The following COL21A1 variants were observed in gnomAD, a reference collection of about 807,000 sequenced individuals.
COL21A1 encodes collagen alpha-1(XXI) chain.
In COL21A1, 149 loss-of-function variants were observed where a neutral mutation model predicts 137.9. The ratio of observed to expected loss-of-function variants is 1.08; its 90% CI spans 0.95 to 1.24. The LOEUF is 1.24. Among genes scored for constraint, COL21A1 ranks in the 50% most tolerant of loss-of-function variants. The pLI is 0.00. For missense variants in COL21A1, 1,167 were observed against 1,158.4 expected (o/e 1.01, Z -0.11); for synonymous variants, 456 against 391.5 (o/e 1.16, Z -1.95).
chr6:56,268,124 G>A (rs921163715), intron 1 of COL21A1, among the ~76,000 whole-genome samples: 5 of 152,190 alleles, frequency 3.3e-5, no homozygotes, highest in African/African-American at 1.2e-4. Context: ...GATGTGTGGT[G>A]AGAACTAAAG....
chr6:56,353,242 T>A (rs1765753643), intron 1 of COL21A1, among the ~76,000 whole-genome samples: 1 of 152,180 alleles, frequency 6.6e-6, no homozygotes, highest in South Asian at 2.1e-4. Context: ...TGAAGCTAGA[T>A]AAGAAGAGGC....
chr6:56,252,961 G>A (rs1446945543), intron 1 of COL21A1, among the ~76,000 whole-genome samples: 3 of 152,108 alleles, frequency 2.0e-5, no homozygotes, highest in Non-Finnish European at 4.4e-5. Context: ...CCAGTTTGAT[G>A]GATAAATCGA....
intron 1 of COL21A1, among the ~76,000 whole-genome samples, chr6:56,204,476 C>T (rs965522261): frequency 6.6e-6 from 1 of 152,132 alleles, no homozygotes; most frequent in African/African-American, 2.4e-5. Flanking sequence ...GGCAGCAACC[C>T]CAGCCAGGGT....
At chr6:56,334,026 C>CGT in intron 1 of COL21A1, among the ~76,000 whole-genome samples, 1 of 29,176 alleles carries the variant, frequency 3.4e-5, no homozygotes, top group African/African-American at 1.2e-4. Context: ...GTATGCTTTG[C>CGT]ATATGACAGT....
At chr6:56,211,251 A>ACATATATATGTAT (rs1353781229) in intron 1 of COL21A1, among the ~76,000 whole-genome samples, 1 of 143,236 alleles carries the variant, frequency 7.0e-6, no homozygotes. Context: ...ATGTATATAT[A>ACATATATATGTAT]ATGAAAGGAT....
At chr6:56,301,669 T>C (rs902329812) in intron 1 of COL21A1, among the ~76,000 whole-genome samples, 1 of 152,068 alleles carries the variant, frequency 6.6e-6, no homozygotes, top group African/African-American at 2.4e-5. Flanking sequence ...TCCAACACAA[T>C]AGCCACTAAC....
At chr6:56,192,226 A>C (rs1319353975) in intron 1 of COL21A1, among the ~76,000 whole-genome samples, 1 of 152,218 alleles carries the variant, frequency 6.6e-6, no homozygotes, top group Admixed American at 6.5e-5. Flanking sequence ...CTTAAACATA[A>C]GACCTTAAAC....
At chr6:56,351,848 A>C (rs938402407) in intron 1 of COL21A1, among the ~76,000 whole-genome samples, 1 of 152,238 alleles carries the variant, frequency 6.6e-6, no homozygotes, top group African/African-American at 2.4e-5. Flanking sequence ...TTTTAACAAG[A>C]CATAGAGTCT....
At chr6:56,162,584 G>A (rs999651060) in intron 9 of COL21A1, among the ~76,000 whole-genome samples, 2 of 152,086 alleles carry the variant, frequency 1.3e-5, no homozygotes, top group Admixed American at 1.3e-4. Flanking sequence ...TCCCAAAAGT[G>A]AACAGCCCCT....
chr6:56,062,253 G>C lies in COL21A1; in HGVS notation c.2173-572C>G, dbSNP rs76460158. Among the ~76,000 whole-genome samples the C allele has an allele frequency of 8.0e-3, 1,223 of 152,112 alleles. 12 individuals carry two copies. Among genetic ancestry groups the C allele is most frequent in the African/African-American group, 0.028 (1,160 of 41,514 alleles). ...AGAGAAGCAATGTCATCTAAAAGAT[G>C]GTATTTTTTCACAGTGATATAAACA... On this transcript the variant is annotated intron_variant, in intron 24 of 29. Coordinates refer to ENST00000244728, the MANE Select transcript of COL21A1 (RefSeq NM_030820.4).
At chr6:56,335,273 T>C (rs1194905887) in intron 1 of COL21A1, among the ~76,000 whole-genome samples, 1 of 152,054 alleles carries the variant, frequency 6.6e-6, no homozygotes. Context: ...AGGCTAGATA[T>C]AAAAATTAAA....
intron 2 of COL21A1, 99 bp downstream of exon 2, chr6:56,182,432 G>A: frequency 1.3e-6 from 1 of 747,256 alleles, no homozygotes; most frequent in Non-Finnish European, 2.3e-6. Flanking sequence ...ATCAAAGACA[G>A]TAAGAATGAG....
At chr6:56,250,816 T>C (rs1371981092), upstream of COL21A1, among the ~76,000 whole-genome samples, 1 of 152,244 alleles carries the variant, frequency 6.6e-6, no homozygotes, top group Non-Finnish European at 1.5e-5. Context: ...CTATTCATTT[T>C]AGTAAAGAGA....
intron 18 of COL21A1, among the ~76,000 whole-genome samples, chr6:56,075,976 A>G (rs540940631): frequency 2.6e-5 from 4 of 151,572 alleles, no homozygotes; most frequent in African/African-American, 4.8e-5. Context: ...AAAATCCTAG[A>G]AGGAACATCC....
chr6:56,101,650 G>A, intron 16 of COL21A1, 125 bp from the exon 17 acceptor site: 23 of 691,324 alleles, frequency 3.3e-5, no homozygotes, highest in South Asian at 1.0e-4. Flanking sequence ...AATTACTTCT[G>A]GACTACTGAT....
At chr6:56,331,139 G>A (rs1328481866) in intron 1 of COL21A1, among the ~76,000 whole-genome samples, 1 of 151,882 alleles carries the variant, frequency 6.6e-6, no homozygotes, top group South Asian at 2.1e-4. Flanking sequence ...CTTTTTAATG[G>A]AGTTATTTGG....
chr6:56,223,572 G>C (rs984760632), intron 1 of COL21A1, among the ~76,000 whole-genome samples: 3 of 151,986 alleles, frequency 2.0e-5, no homozygotes, highest in African/African-American at 7.2e-5. Context: ...TTTTCTGGCA[G>C]TCACCAGTAA....
chr6:56,138,230 G>C (rs1774146519), intron 12 of COL21A1, among the ~76,000 whole-genome samples: 1 of 151,436 alleles, frequency 6.6e-6, no homozygotes, highest in Admixed American at 6.6e-5. Flanking sequence ...AAGAGGTTGT[G>C]CATATGTGTA....
chr6:56,071,884 C>T (rs534121815), intron 20 of COL21A1, among the ~76,000 whole-genome samples: 5 of 151,506 alleles, frequency 3.3e-5, no homozygotes, highest in South Asian at 2.1e-4. Flanking sequence ...ACATGTGCCA[C>T]GGTGGTTTGC....
Sources: allele counts gnomAD v4.1 joint callset (sites outside exome capture counted in the v4.1 genomes callset), GRCh38; gene constraint gnomAD v4.1.1; transcripts MANE v1.5; gene names NCBI Gene and HGNC (gene_info 2026-07-23, HGNC 2026-07-21).